Variants in SF1 observed in about 807,000 individuals in gnomAD.
SF1 encodes the protein branch point-binding protein.
In SF1, 7 loss-of-function variants were observed where a neutral mutation model predicts 62.5. That is an observed-to-expected ratio of 0.11 (90% CI 0.06 to 0.21). The LOEUF (loss-of-function observed/expected upper bound fraction) is 0.21. Ranked by LOEUF, SF1 falls within the 10% of genes least tolerant of loss-of-function variation. SF1 has a pLI of 1.00. For missense variants in SF1, 578 were observed against 884.0 expected (o/e 0.65, Z 4.39); for synonymous variants, 394 against 323.6 (o/e 1.22, Z -2.33).
At chr11:64,769,632 G>A in intron 5 of SF1, 23 bp from the exon 6 acceptor site, 1 of 1,595,586 alleles carries the variant, frequency 6.3e-7, no homozygotes. Flanking sequence ...AAATGACTAA[G>A]TTTATACCTG....
intron 1 of SF1, 23 bp downstream of exon 1, chr11:64,778,339 C>T: frequency 8.2e-7 from 1 of 1,225,668 alleles, no homozygotes; most frequent in Non-Finnish European, 1.0e-6. Flanking sequence ...GGAGCGGGGG[C>T]AGCCCGGGGG....
chr11:64,767,106 G>T, intron 11 of SF1, 27 bp from the exon 12 acceptor site: 1 of 1,608,638 alleles, frequency 6.2e-7, no homozygotes. Flanking sequence ...GCAAAGATGA[G>T]GCCTCAGGGA....
chr11:64,772,778 G>A, intron 3 of SF1: 1 of 985,154 alleles, frequency 1.0e-6, no homozygotes, highest in African/African-American at 1.7e-5. Context: ...GACCACAGCT[G>A]TTTGAGGCCC....
In SF1 at chr11:64,776,610, C is replaced by T. The variant is rs35100425; in HGVS notation, c.48G>A (p.Lys16=). Residue 16 remains lysine (K), a synonymous_variant, in exon 2 of 13, where the codon AAG becomes AAA. Coordinates refer to ENST00000377390, the MANE Select transcript of SF1 (RefSeq NM_004630.4). ...NATPLDFPSK[K]RKRSRWNQDT... ...CTTGGTTCCAGCGGCTCCTCTTCCGCTTCTTACTTGGGAAGTCTAAAAGGC... is the reference window on the plus strand; with the variant it reads ...CTTGGTTCCAGCGGCTCCTCTTCCGTTTCTTACTTGGGAAGTCTAAAAGGC... The T allele has an allele frequency of 7.9e-4, 1,269 of 1,598,440 alleles. 8 individuals are homozygous for T. The African/African-American group carries it at 0.016, about 20-fold the overall frequency.
Position 64,769,894 on chromosome 11 carries a change from T to C in SF1, c.479+70A>G, listed in dbSNP as rs549086268. The C allele has an allele frequency of 5.2e-5, 63 of 1,201,448 alleles. No individual in the cohort carries two copies. The African/African-American group carries it at 7.0e-4, about 13-fold the overall frequency. The allele number at this position is 1,201,448 out of a possible 1,614,324, so 74.4% of individuals were successfully genotyped here. ...GAAAAGTAAGCCAACAGTCCCCAAT[T>C]AGGCACAAAACGGACACATCTCACA... On this transcript the variant is annotated intron_variant, in intron 5 of 12. Transcript: ENST00000377390.
Position 64,778,509 on chromosome 11 carries a change from C to G in SF1, c.-117G>C. The G allele has an allele frequency of 2.5e-6, 3 of 1,190,524 alleles. No homozygotes were observed. Among genetic ancestry groups the G allele is most frequent in the Non-Finnish European group, 3.1e-6 (3 of 961,632 alleles). 73.7% of individuals were successfully genotyped at this position (1,190,524 alleles called of 1,614,324 possible). On this transcript the variant is annotated 5_prime_UTR_variant, in exon 1 of 13. Transcript: ENST00000377390. ...TGCCGGAGCGCGCGGAGCCCGTCCTCTCACGCGGCGGGCGGCGGCGGCGCG... is the reference window on the plus strand; with the variant it reads ...TGCCGGAGCGCGCGGAGCCCGTCCTGTCACGCGGCGGGCGGCGGCGGCGCG...
intron 3 of SF1, chr11:64,772,413 A>G: frequency 1.0e-6 from 1 of 985,278 alleles, no homozygotes; most frequent in Non-Finnish European, 1.2e-6. Flanking sequence ...CAAATGTAGT[A>G]AGTCAAATTA....
In SF1 at chr11:64,769,351, C is replaced by G; in HGVS notation, c.664-13G>C. 6.2e-7 allele frequency: 1 copy of G among 1,613,912 alleles called. No individual in the cohort carries two copies. The highest frequency in any genetic ancestry group is 8.5e-7 in the Non-Finnish European group (1 of 1,179,778). On this transcript the variant is annotated splice_polypyrimidine_tract_variant and intron_variant, in intron 6 of 12. Transcript: ENST00000377390. ...GGATGTTTCTTATCTAGTGAAAATGCAATGGACAGTTAAGTGCTTAGGGCC... is the reference window on the plus strand; with the variant it reads ...GGATGTTTCTTATCTAGTGAAAATGGAATGGACAGTTAAGTGCTTAGGGCC...
rs1314016689 is a variant in SF1, at chr11:64,765,353, G to C, written c.*465C>G. On this transcript the variant is annotated 3_prime_UTR_variant, in exon 13 of 13. Coordinates refer to ENST00000377390, the MANE Select transcript of SF1 (RefSeq NM_004630.4). The stretch of plus-strand genomic sequence containing the variant: ...AAATTAATAAAAATTTCACGATATG[G>C]AGCCAGCGTGTTCCGATTCCGTCCA... The C allele has an allele frequency of 3.7e-6, 3 of 802,078 alleles. No homozygotes were observed. In the African/African-American group the frequency reaches 5.2e-5, roughly 14 times the overall value. 49.7% of individuals were successfully genotyped at this position (802,078 alleles called of 1,614,324 possible).
chr11:64,769,805 G>A, intron 5 of SF1, 159 bp downstream of exon 5: 2 of 733,618 alleles, frequency 2.7e-6, no homozygotes. Flanking sequence ...TAGTGGGGAA[G>A]TTAAGACACC....
At chr11:64,773,902 G>C (rs1374601936) in intron 2 of SF1, among the ~76,000 whole-genome samples, 2 of 152,106 alleles carry the variant, frequency 1.3e-5, no homozygotes, top group Non-Finnish European at 2.9e-5. Context: ...CAAATTACTT[G>C]AGGGCAAGAA....
chr11:64,772,277 C>A (rs1938442970), intron 3 of SF1: 1 of 981,974 alleles, frequency 1.0e-6, no homozygotes, highest in Non-Finnish European at 1.2e-6. Flanking sequence ...GGAAAAAGGC[C>A]AAAAAGGCAC....
intron 4 of SF1, 89 bp downstream of exon 4, chr11:64,770,167 G>A (rs546478056): frequency 1.9e-6 from 3 of 1,559,980 alleles, no homozygotes; most frequent in African/African-American, 1.4e-5. Flanking sequence ...TGAGGCAAGA[G>A]GTGAGTAGTA....
chr11:64,772,454 A>G (rs1938480143), intron 3 of SF1: 1 of 985,216 alleles, frequency 1.0e-6, no homozygotes, highest in Non-Finnish European at 1.2e-6. Flanking sequence ...AAGGAAGTTA[A>G]TGTTTCCTGG....
intron 3 of SF1, chr11:64,772,569 C>T (rs1383109838): frequency 3.0e-6 from 3 of 985,176 alleles, no homozygotes; most frequent in African/African-American, 1.7e-5. Flanking sequence ...AAAAACACTA[C>T]TTTTTAAAGC....
At chr11:64,770,493 C>G (rs892764997) in intron 3 of SF1, 85 bp from the exon 4 acceptor site, 3 of 1,469,716 alleles carry the variant, frequency 2.0e-6, no homozygotes, top group Non-Finnish European at 1.9e-6. Context: ...CCCAGCCCCT[C>G]TGCCTCTCAG....
chr11:64,769,788 T>A, intron 5 of SF1, 176 bp downstream of exon 5: 2 of 726,850 alleles, frequency 2.8e-6, no homozygotes. Flanking sequence ...ATTTGACTTC[T>A]CCGCACTAGT....
chr11:64,767,962 C>T, intron 9 of SF1, 118 bp from the exon 10 acceptor site: 11 of 1,469,488 alleles, frequency 7.5e-6, no homozygotes, highest in Non-Finnish European at 1.0e-5. Flanking sequence ...AGTGAGAAGT[C>T]CCCAAACTGG....
At chr11:64,772,829 G>C in intron 3 of SF1, 1 of 985,376 alleles carries the variant, frequency 1.0e-6, no homozygotes, top group South Asian at 4.7e-5. Flanking sequence ...TTTAGGGTTG[G>C]TTGCATGCCT....
Sources: gnomAD v4.1 joint callset for allele counts (sites outside exome capture counted in the v4.1 genomes callset) on GRCh38, gnomAD v4.1.1 for gene constraint, MANE v1.5 for transcripts, NCBI Gene and HGNC (gene_info 2026-07-23, HGNC 2026-07-21) for gene names.